The following PAM variants were observed in gnomAD, a reference collection of about 807,000 sequenced individuals.
PAM encodes the protein peptidylglycine alpha-amidating monooxygenase, also known as peptidyl-glycine alpha-amidating monooxygenase.
PAM carries 72 observed loss-of-function variants against 122.1 expected under a neutral mutation model. The observed-to-expected ratio is 0.59, with a 90% CI of 0.49 to 0.72. The LOEUF (loss-of-function observed/expected upper bound fraction) is 0.72. Among genes scored for constraint, PAM ranks in the 30% least tolerant of loss-of-function variants. The pLI is 0.00. For synonymous variants in PAM, 389 were observed against 404.4 expected (o/e 0.96, Z 0.46); for missense variants, 1,106 against 1,183.7 (o/e 0.93, Z 0.96).
At chr5:102,814,745 A>G (rs1769165441) in intron 1 of PAM, among the ~76,000 whole-genome samples, 1 of 151,946 alleles carries the variant, frequency 6.6e-6, no homozygotes, top group South Asian at 2.1e-4. Context: ...GTGAAAGAGT[A>G]TATTTTTCTT....
At position 103,009,780 on chromosome 5, in the gene PAM, C is replaced by T; in HGVS notation, c.2245C>T (p.His749Tyr). The change falls in exon 21 of 26, where the codon CAT (histidine) becomes TAT (tyrosine). Residue 749 changes from histidine (H) to tyrosine (Y), a missense_variant. By Grantham distance (83) the His-to-Tyr change is moderately conservative. Transcript: ENST00000438793. ...GLLFAVNGKP[H>Y]FGDQEPVQGF... ...GCTCTTTGCAGTGAATGGGAAGCCT[C>T]ATTTTGGGGACCAAGAACCTGTACA... The T allele has an allele frequency of 6.2e-7, 1 of 1,611,646 alleles. No homozygotes were observed. The highest frequency in any genetic ancestry group is 2.2e-5 in the East Asian group (1 of 44,820).
intron 2 of PAM, 31 bp from the exon 3 acceptor site, chr5:102,867,241 TC>T: frequency 6.7e-7 from 1 of 1,501,436 alleles, no homozygotes; most frequent in Middle Eastern, 1.7e-4. Flanking sequence ...TCCATTATGT[TC>T]AAGAATATTG....
chr5:102,803,411 T>C (rs1299585653), intron 1 of PAM, among the ~76,000 whole-genome samples: 1 of 152,052 alleles, frequency 6.6e-6, no homozygotes, highest in African/African-American at 2.4e-5. Context: ...AATGATGCCA[T>C]AGGACATAAG....
chr5:102,876,576 C>G (rs187493065), intron 3 of PAM, among the ~76,000 whole-genome samples: 183 of 152,222 alleles, frequency 1.2e-3, no homozygotes, highest in South Asian at 8.9e-3. Context: ...CTGGACACTC[C>G]TAAAGTGGTA....
intron 2 of PAM, 127 bp from the exon 3 acceptor site, chr5:102,867,146 T>C: frequency 3.3e-6 from 2 of 601,332 alleles, no homozygotes; most frequent in Admixed American, 2.9e-5. Flanking sequence ...AGTCATCACA[T>C]CTTTAGAGTT....
chr5:102,778,687 T>C (rs913346924), intron 1 of PAM, among the ~76,000 whole-genome samples: 7 of 152,066 alleles, frequency 4.6e-5, no homozygotes, highest in Non-Finnish European at 1.0e-4. Flanking sequence ...CTGAAATGAG[T>C]CATTTTTATT....
intron 21 of PAM, 57 bp downstream of exon 21, chr5:103,009,923 A>AAT (rs1780128222): frequency 1.2e-6 from 1 of 869,130 alleles, no homozygotes; most frequent in African/African-American, 1.7e-5. Flanking sequence ...TAAAATATAA[A>AAT]TCTTGGCATT....
At chr5:103,000,151 C>A (rs575730327) in intron 16 of PAM, among the ~76,000 whole-genome samples, 1 of 152,320 alleles carries the variant, frequency 6.6e-6, no homozygotes, top group South Asian at 2.1e-4. Context: ...ACTCAAGTTA[C>A]ACCTTGAATG....
At chr5:102,824,010 G>A (rs970577641) in intron 1 of PAM, among the ~76,000 whole-genome samples, 1 of 152,012 alleles carries the variant, frequency 6.6e-6, no homozygotes, top group Non-Finnish European at 1.5e-5. Flanking sequence ...CTTATTTATT[G>A]TTGTTTTAAA....
intron 22 of PAM, among the ~76,000 whole-genome samples, chr5:103,018,389 C>A (rs879419739): frequency 1.3e-5 from 2 of 152,118 alleles, no homozygotes; most frequent in Non-Finnish European, 2.9e-5. Context: ...TAATCAGATA[C>A]GATATAGGGC....
intron 5 of PAM, among the ~76,000 whole-genome samples, chr5:102,919,459 A>C (rs1307148279): frequency 6.6e-6 from 1 of 152,054 alleles, no homozygotes; most frequent in Admixed American, 6.6e-5. Context: ...CCTGTCATCC[A>C]TACACTATAT....
At chr5:102,975,093 A>G (rs1767182600) in intron 15 of PAM, among the ~76,000 whole-genome samples, 1 of 152,222 alleles carries the variant, frequency 6.6e-6, no homozygotes. Flanking sequence ...AGGTTTCCGT[A>G]CCAGCAAGCT....
At chr5:102,820,163 T>A (rs1339158386) in intron 1 of PAM, among the ~76,000 whole-genome samples, 1 of 152,168 alleles carries the variant, frequency 6.6e-6, no homozygotes, top group Non-Finnish European at 1.5e-5. Flanking sequence ...CTTGGAAAAG[T>A]TAAAGTTTCT....
intron 1 of PAM, among the ~76,000 whole-genome samples, chr5:102,782,900 T>G (rs558605537): frequency 6.6e-6 from 1 of 152,226 alleles, no homozygotes; most frequent in African/African-American, 2.4e-5. Context: ...ACTCCCCATA[T>G]TTTTGGTGTA....
chr5:102,972,900 C>T (rs984494409), intron 14 of PAM, among the ~76,000 whole-genome samples: 1 of 152,154 alleles, frequency 6.6e-6, no homozygotes, highest in Non-Finnish European at 1.5e-5. Context: ...TACTTTGAAA[C>T]ATTAAACCAA....
intron 1 of PAM, among the ~76,000 whole-genome samples, chr5:102,863,952 G>T (rs1005147774): frequency 1.3e-5 from 2 of 150,902 alleles, no homozygotes; most frequent in African/African-American, 2.4e-5. Context: ...CTTTAAGTGG[G>T]TGGTTTAGGG....
chr5:102,827,998 T>C (rs1774182597), intron 1 of PAM, among the ~76,000 whole-genome samples: 1 of 152,202 alleles, frequency 6.6e-6, no homozygotes, highest in African/African-American at 2.4e-5. Context: ...AAAGCTGATA[T>C]TTATTTTAAT....
intron 1 of PAM, among the ~76,000 whole-genome samples, chr5:102,859,832 A>G (rs1326715753): frequency 6.6e-6 from 1 of 152,202 alleles, no homozygotes; most frequent in Admixed American, 6.5e-5. Context: ...ATACACAGAT[A>G]CTTAGCATTA....
chr5:102,889,753 C>A (rs1263754799), intron 3 of PAM, among the ~76,000 whole-genome samples: 1 of 151,890 alleles, frequency 6.6e-6, no homozygotes, highest in Non-Finnish European at 1.5e-5. Flanking sequence ...TCCTCCTTAG[C>A]CCCCTTATTG....
Sources: gnomAD v4.1 joint callset for allele counts (sites outside exome capture counted in the v4.1 genomes callset) on GRCh38, gnomAD v4.1.1 for gene constraint, MANE v1.5 for transcripts, NCBI Gene and HGNC (gene_info 2026-07-23, HGNC 2026-07-21) for gene names.